METTL8: variants seen among roughly 807,000 people sequenced by gnomAD.
The protein encoded by METTL8 is tRNA N(3)-cytidine methyltransferase METTL8, mitochondrial.
In METTL8, 32 loss-of-function variants were observed where a neutral mutation model predicts 48.7. That is an observed-to-expected ratio of 0.66 (90% CI 0.50 to 0.88). METTL8 has a LOEUF of 0.88. Ranked by LOEUF, METTL8 falls within the 40% of genes least tolerant of loss-of-function variation. METTL8 has a pLI of 0.00. For synonymous variants in METTL8, 136 were observed against 157.1 expected (o/e 0.87, Z 1.01); for missense variants, 464 against 474.4 (o/e 0.98, Z 0.20).
At chr2:171,385,498 G>A (rs1011336359) in intron 2 of METTL8, among the ~76,000 whole-genome samples, 1 of 152,096 alleles carries the variant, frequency 6.6e-6, no homozygotes, top group East Asian at 1.9e-4. Flanking sequence ...TCCTTAAGAA[G>A]AAAAAAATGT....
At chr2:171,430,288 G>A (rs1450069279) in intron 1 of METTL8, among the ~76,000 whole-genome samples, 4 of 151,754 alleles carry the variant, frequency 2.6e-5, no homozygotes, top group Admixed American at 6.6e-5. Flanking sequence ...AACCTGGGAG[G>A]TGGAGGCTGC....
chr2:171,370,208 T>C (rs1264176509), intron 2 of METTL8, among the ~76,000 whole-genome samples: 1 of 152,184 alleles, frequency 6.6e-6, no homozygotes, highest in Non-Finnish European at 1.5e-5. Flanking sequence ...CTAGGTGTTA[T>C]CTTAAGTTTC....
rs1346078081 is a variant in METTL8 at position 171,326,037 on chromosome 2, A to C, written c.967+5T>G. On this transcript the variant is annotated splice_donor_5th_base_variant and intron_variant, in intron 8 of 9. Coordinates refer to ENST00000375258, the MANE Select transcript of METTL8 (RefSeq NM_001321154.2). Reference sequence around the variant, plus strand: ...AAAATAACCTCAAACTGAATATACTATTACCCTTTTTAAAACGAAGCTGAG... The same window carrying C: ...AAAATAACCTCAAACTGAATATACTCTTACCCTTTTTAAAACGAAGCTGAG... The C allele has an allele frequency of 6.8e-7, 1 of 1,467,080 alleles. No homozygotes were observed. 90.9% of individuals were successfully genotyped at this position (1,467,080 alleles called of 1,614,324 possible).
rs188667614 is a variant in METTL8, at chr2:171,321,392, C to T, written c.*2780G>A. ...TCAGCCTCCTGAGTAGCTGGGACAA[C>T]AGGTGCGTGCCACCATCACTGGCTA... On this transcript the variant is annotated 3_prime_UTR_variant, in exon 10 of 10. Coordinates refer to ENST00000375258, the MANE Select transcript of METTL8 (RefSeq NM_001321154.2). The T allele has an allele frequency of 4.6e-5, 7 of 152,366 alleles. No individual in the cohort carries two copies. Among genetic ancestry groups the T allele is most frequent in the Admixed American group, 1.3e-4 (2 of 15,302 alleles). 9.4% of individuals were successfully genotyped at this position (152,366 alleles called of 1,614,324 possible).
intron 1 of METTL8, among the ~76,000 whole-genome samples, chr2:171,420,396 T>C (rs764103667): frequency 6.6e-6 from 1 of 152,090 alleles, no homozygotes; most frequent in Non-Finnish European, 1.5e-5. Context: ...GAGGCAGACA[T>C]GGTGGTAAGT....
At chr2:171,358,263 ATTGC>A (rs1345282454) in intron 3 of METTL8, among the ~76,000 whole-genome samples, 1 of 151,432 alleles carries the variant, frequency 6.6e-6, no homozygotes, top group Non-Finnish European at 1.5e-5. Context: ...AGACAGGAGA[ATTGC>A]TTGAGCCTGG....
chr2:171,332,219 C>A, intron 5 of METTL8: 1 of 170,600 alleles, frequency 5.9e-6, no homozygotes, highest in Non-Finnish European at 1.3e-5. Context: ...TCTAGAAATA[C>A]TCAAACTAGA....
At chr2:171,432,433 A>G (rs1237596073) in intron 1 of METTL8, among the ~76,000 whole-genome samples, 1 of 152,202 alleles carries the variant, frequency 6.6e-6, no homozygotes, top group Non-Finnish European at 1.5e-5. Flanking sequence ...TAAAGGCCAC[A>G]AGAAAGAAGA....
chr2:171,429,367 T>C (rs1304115517), intron 1 of METTL8, among the ~76,000 whole-genome samples: 2 of 152,124 alleles, frequency 1.3e-5, no homozygotes, highest in South Asian at 2.1e-4. Flanking sequence ...GAAGGTTTTG[T>C]GGTGATTTAT....
At chr2:171,434,392 A>T, upstream of METTL8, 1 of 996,858 alleles carries the variant, frequency 1.0e-6, no homozygotes. Flanking sequence ...TGGCGGTGCA[A>T]GCGGCTCTGC....
intron 7 of METTL8, among the ~76,000 whole-genome samples, chr2:171,330,083 A>G (rs573286896): frequency 6.6e-6 from 1 of 152,354 alleles, no homozygotes; most frequent in African/African-American, 2.4e-5. Flanking sequence ...GCAAATCTTA[A>G]TAACTCCTGA....
At chr2:171,399,263 T>C (rs964798168) in intron 1 of METTL8, among the ~76,000 whole-genome samples, 1 of 152,150 alleles carries the variant, frequency 6.6e-6, no homozygotes, top group African/African-American at 2.4e-5. Context: ...ATGAAGCTCA[T>C]TCAAGTATTG....
At chr2:171,404,382 A>T (rs1348990399) in intron 1 of METTL8, among the ~76,000 whole-genome samples, 2 of 151,932 alleles carry the variant, frequency 1.3e-5, no homozygotes, top group Non-Finnish European at 2.9e-5. Flanking sequence ...TGGATCATGG[A>T]GCCATGACGG....
intron 1 of METTL8, among the ~76,000 whole-genome samples, chr2:171,392,618 T>C (rs542935146): frequency 1.1e-4 from 17 of 152,292 alleles, no homozygotes; most frequent in Admixed American, 6.5e-4. Flanking sequence ...ATCCCAAGTA[T>C]GGCAGAAGAA....
In METTL8 at chr2:171,316,599, T is replaced by A. The variant is rs76212246; in HGVS notation, c.*7573A>T. Reference sequence around the variant, plus strand: ...ATCTCAGAGAGTGGTGGATTAAGAATATATTCATGGAAAGGATAGATCTTC... The same window carrying A: ...ATCTCAGAGAGTGGTGGATTAAGAAAATATTCATGGAAAGGATAGATCTTC... On this transcript the variant is annotated 3_prime_UTR_variant, in exon 10 of 10. Transcript: ENST00000375258. Among the ~76,000 whole-genome samples, 92 of 152,320 alleles carry A rather than the reference T, an allele frequency of 6.0e-4. 1 individual carries two copies. In the East Asian group the frequency reaches 0.017, roughly 28 times the overall value.
intron 1 of METTL8, among the ~76,000 whole-genome samples, chr2:171,430,998 C>T (rs1692953187): frequency 6.6e-6 from 1 of 152,138 alleles, no homozygotes; most frequent in African/African-American, 2.4e-5. Context: ...CCATAAAAGC[C>T]CCAGACCCAG....
intron 2 of METTL8, among the ~76,000 whole-genome samples, chr2:171,377,167 C>T (rs1687057107): frequency 6.6e-6 from 1 of 152,114 alleles, no homozygotes; most frequent in Non-Finnish European, 1.5e-5. Context: ...AAACTGGATG[C>T]TCATCTCTCA....
rs528318910 is a variant in METTL8 at position 171,418,588 on chromosome 2, C to T, written c.-13+15295G>A. ...ACAGACCAGGGATACTTATGTTATA[C>T]TTCATGTTATAACTAAATACTAACA... is the stretch of plus-strand genomic sequence containing the variant. On this transcript the variant is annotated intron_variant, in intron 1 of 9. Coordinates refer to ENST00000375258, the MANE Select transcript of METTL8 (RefSeq NM_001321154.2). 3.2e-4 allele frequency among the ~76,000 whole-genome samples: 49 copies of T among 152,160 alleles called. No homozygotes were observed. In the South Asian group the frequency reaches 7.1e-3, roughly 22 times the overall value.
intron 2 of METTL8, among the ~76,000 whole-genome samples, chr2:171,364,763 G>C (rs1328073480): frequency 2.6e-5 from 4 of 152,088 alleles, no homozygotes; most frequent in Non-Finnish European, 5.9e-5. Context: ...TGAATGTAGT[G>C]TTGCTTCCTG....
Sources: gnomAD v4.1 joint callset for allele counts (sites outside exome capture counted in the v4.1 genomes callset) on GRCh38, gnomAD v4.1.1 for gene constraint, MANE v1.5 for transcripts, NCBI Gene and HGNC (gene_info 2026-07-23, HGNC 2026-07-21) for gene names.